TENM3: variants seen among roughly 807,000 people sequenced by gnomAD.
TENM3 encodes the protein teneurin-3.
Under a neutral mutation model 255.1 loss-of-function variants are expected in TENM3, and 63 were observed. The ratio of observed to expected loss-of-function variants is 0.25; its 90% CI spans 0.20 to 0.30. The LOEUF is 0.30. Among genes scored for constraint, TENM3 ranks in the 10% least tolerant of loss-of-function variants. The probability of loss-of-function intolerance (pLI) is 1.00; values close to 1 mark genes in which losing one functional copy is unlikely to be tolerated. For missense variants in TENM3, 2,929 were observed against 3,461.1 expected, an observed-to-expected ratio of 0.85 and a Z score of 3.86; for synonymous variants, 1,306 against 1,322.3, an observed-to-expected ratio of 0.99 and a Z score of 0.27.
intron 1 of TENM3, among the ~76,000 whole-genome samples, chr4:182,292,793 C>G (rs1211412698): frequency 6.6e-6 from 1 of 152,156 alleles, no homozygotes; most frequent in Non-Finnish European, 1.5e-5. Context: ...TTGAGTGACA[C>G]TAGTGTAAAT....
chr4:182,361,558 CT>C (rs1490967538), intron 3 of TENM3, among the ~76,000 whole-genome samples: 1 of 152,086 alleles, frequency 6.6e-6, no homozygotes, highest in Non-Finnish European at 1.5e-5. Flanking sequence ...CGAGCCTTGG[CT>C]TTCAGCTCCA....
At chr4:182,065,051 T>C in the TENM3 span, among the ~76,000 whole-genome samples, 12 of 118,986 alleles carry the variant, frequency 1.0e-4, no homozygotes, top group African/African-American at 3.3e-4. Context: ...TTTTTTTTTT[T>C]CGAGACCAAG....
the TENM3 span, among the ~76,000 whole-genome samples, chr4:181,489,224 T>G: frequency 1.3e-5 from 2 of 152,224 alleles, no homozygotes; most frequent in Non-Finnish European, 2.9e-5. Flanking sequence ...AGGACTTCAC[T>G]GTCTCTAAAA....
At chr4:181,881,417 G>C in the TENM3 span, among the ~76,000 whole-genome samples, 1 of 151,954 alleles carries the variant, frequency 6.6e-6, no homozygotes, top group Non-Finnish European at 1.5e-5. Context: ...CAGACAAAAT[G>C]AACATGAATA....
intron 1 of TENM3, among the ~76,000 whole-genome samples, chr4:182,288,336 C>T (rs952884173): frequency 6.6e-6 from 1 of 152,206 alleles, no homozygotes; most frequent in East Asian, 1.9e-4. Flanking sequence ...TCCCAAGGTG[C>T]TGGGATTATA....
At chr4:181,951,182 G>C in the TENM3 span, among the ~76,000 whole-genome samples, 1 of 152,068 alleles carries the variant, frequency 6.6e-6, no homozygotes, top group African/African-American at 2.4e-5. Context: ...AATATCTTTT[G>C]CACTCAATGC....
At chr4:182,587,981 A>G (rs966548669) in intron 3 of TENM3, among the ~76,000 whole-genome samples, 5 of 152,164 alleles carry the variant, frequency 3.3e-5, no homozygotes, top group African/African-American at 9.7e-5. Flanking sequence ...TGAAGTTTTC[A>G]TAATACTTGA....
At chr4:181,998,867 A>G in the TENM3 span, among the ~76,000 whole-genome samples, 3 of 152,202 alleles carry the variant, frequency 2.0e-5, no homozygotes, top group Non-Finnish European at 4.4e-5. Context: ...CCCTGGTCAA[A>G]TTCCCAGCTC....
At chr4:181,565,037 C>T in the TENM3 span, among the ~76,000 whole-genome samples, 1 of 152,196 alleles carries the variant, frequency 6.6e-6, no homozygotes, top group South Asian at 2.1e-4. Flanking sequence ...TTGTATATAT[C>T]AAGTTAATAT....
At chr4:181,467,125 A>ATATTTTTTT in the TENM3 span, among the ~76,000 whole-genome samples, 1 of 17,618 alleles carries the variant, frequency 5.7e-5, no homozygotes, top group Non-Finnish European at 1.1e-4. Flanking sequence ...ATATATATAT[A>ATATTTTTTT]TTTTTTTTTT....
At chr4:182,680,157 A>G (rs943510811) in intron 8 of TENM3, 91 bp from the exon 9 acceptor site, 1 of 959,144 alleles carries the variant, frequency 1.0e-6, no homozygotes, top group African/African-American at 1.6e-5. Flanking sequence ...TACTCAAATT[A>G]TCTAGCATAA....
chr4:181,653,292 C>A, the TENM3 span, among the ~76,000 whole-genome samples: 1 of 152,204 alleles, frequency 6.6e-6, no homozygotes, highest in Non-Finnish European at 1.5e-5. Context: ...AGGTCTGGGG[C>A]AGGATCGAAG....
At chr4:181,850,314 G>C in the TENM3 span, among the ~76,000 whole-genome samples, 2 of 152,032 alleles carry the variant, frequency 1.3e-5, no homozygotes, top group South Asian at 4.2e-4. Context: ...ATTAACAAGA[G>C]ATTAAATTTT....
At chr4:182,638,659 C>T (rs187713935) in intron 5 of TENM3, among the ~76,000 whole-genome samples, 165 of 152,258 alleles carry the variant, frequency 1.1e-3, no homozygotes, top group Non-Finnish European at 1.6e-3. Flanking sequence ...TACATTTTAT[C>T]GTGGTGACTT....
intron 22 of TENM3, among the ~76,000 whole-genome samples, chr4:182,758,597 T>C (rs1191409991): frequency 6.6e-6 from 1 of 152,190 alleles, no homozygotes; most frequent in Non-Finnish European, 1.5e-5. Context: ...TTTGTAGTTA[T>C]TGGTGAACTG....
rs188453069 is a variant in TENM3, at chr4:182,611,783, T to C, written c.749+10622T>C. On this transcript the variant is annotated intron_variant, in intron 4 of 27. Coordinates refer to ENST00000511685, the MANE Select transcript of TENM3 (RefSeq NM_001080477.4). Reference sequence around the variant, plus strand: ...CTTTATCATTCTTGAACACTTCCTCTACTTGGAGGGACAGATTATTAATTT... The same window carrying C: ...CTTTATCATTCTTGAACACTTCCTCCACTTGGAGGGACAGATTATTAATTT... Among the ~76,000 whole-genome samples the C allele has an allele frequency of 4.4e-3, 667 of 152,318 alleles. 2 individuals are homozygous for C. The highest frequency in any genetic ancestry group is 0.016 in the African/African-American group (645 of 41,580).
chr4:181,883,937 G>A, the TENM3 span, among the ~76,000 whole-genome samples: 1 of 152,124 alleles, frequency 6.6e-6, no homozygotes, highest in Non-Finnish European at 1.5e-5. Flanking sequence ...AAATGGAAGC[G>A]TGTTCAGTTG....
chr4:182,536,490 G>A (rs775355078), intron 3 of TENM3, among the ~76,000 whole-genome samples: 9 of 152,234 alleles, frequency 5.9e-5, no homozygotes, highest in Non-Finnish European at 1.2e-4. Flanking sequence ...CTTAGTGGCT[G>A]ATGGCAGCTC....
chr4:182,356,817 C>T (rs1765576023), intron 3 of TENM3, among the ~76,000 whole-genome samples: 2 of 151,592 alleles, frequency 1.3e-5, no homozygotes, highest in South Asian at 2.1e-4. Context: ...GCTGCACCCA[C>T]TAACTCGTCA....
Sources: gnomAD v4.1 joint callset for allele counts (sites outside exome capture counted in the v4.1 genomes callset) on GRCh38, gnomAD v4.1.1 for gene constraint, MANE v1.5 for transcripts, NCBI Gene and HGNC (gene_info 2026-07-23, HGNC 2026-07-21) for gene names.